The following CACNA2D1 variants were observed in gnomAD, a reference collection of about 807,000 sequenced individuals.
CACNA2D1 encodes the protein calcium voltage-gated channel auxiliary subunit alpha2delta 1.
Under a neutral mutation model 171.5 loss-of-function variants are expected in CACNA2D1, and 53 were observed. The observed-to-expected ratio is 0.31, with a 90% CI of 0.25 to 0.39. The LOEUF (loss-of-function observed/expected upper bound fraction) is 0.39, where lower values mean the gene tolerates loss of function less well. Ranked by LOEUF, CACNA2D1 falls within the 10% of genes least tolerant of loss-of-function variation. The pLI, the probability that CACNA2D1 is intolerant of heterozygous loss-of-function variation, is 1.00. For missense variants in CACNA2D1, 903 were observed against 1,299.8 expected (o/e 0.69, Z 4.69); for synonymous variants, 442 against 443.1 (o/e 1.00, Z 0.03).
In CACNA2D1 at chr7:82,164,505, A is replaced by G. The variant is rs1467647387; in HGVS notation, c.354+6045T>C. ...AGAAATTTCTAGGCAGAGATTATCA[A>G]AAGGTCTGAAAGTGAAGAAAAGAAT... is the stretch of plus-strand genomic sequence containing the variant. On this transcript the variant is annotated intron_variant, in intron 4 of 38. Transcript: ENST00000356860. Among the ~76,000 whole-genome samples, 7 of 152,170 alleles carry G rather than the reference A, an allele frequency of 4.6e-5. No individual in the cohort carries two copies. The South Asian group carries it at 1.2e-3, about 27-fold the overall frequency.
At chr7:82,338,325 T>G (rs1585557963) in intron 2 of CACNA2D1, among the ~76,000 whole-genome samples, 1 of 152,144 alleles carries the variant, frequency 6.6e-6, no homozygotes, top group South Asian at 2.1e-4. Flanking sequence ...ATTTTTTAAA[T>G]TTTTTATTTA....
intron 1 of CACNA2D1, among the ~76,000 whole-genome samples, chr7:82,407,226 T>C (rs1028336333): frequency 3.3e-5 from 5 of 152,214 alleles, no homozygotes; most frequent in Non-Finnish European, 4.4e-5. Context: ...CTCACTTTGC[T>C]AGACTATGAA....
At chr7:82,237,699 T>C (rs1444814919) in intron 3 of CACNA2D1, among the ~76,000 whole-genome samples, 1 of 152,014 alleles carries the variant, frequency 6.6e-6, no homozygotes, top group African/African-American at 2.4e-5. Context: ...AATTTCAATA[T>C]GCTATAACCT....
At chr7:81,972,423 A>G (rs945706592) in intron 25 of CACNA2D1, among the ~76,000 whole-genome samples, 1 of 151,824 alleles carries the variant, frequency 6.6e-6, no homozygotes, top group African/African-American at 2.4e-5. Flanking sequence ...AGTAAATAAG[A>G]CTATGAAAAA....
At chr7:82,094,814 G>A (rs1171931429) in intron 6 of CACNA2D1, among the ~76,000 whole-genome samples, 1 of 144,388 alleles carries the variant, frequency 6.9e-6, no homozygotes, top group Non-Finnish European at 1.5e-5. Flanking sequence ...AAACAACCAA[G>A]TCATGTCGGT....
In CACNA2D1 at chr7:82,084,253, T is replaced by G. The variant is rs184487447; in HGVS notation, c.658+516A>C. ...CATTGAGTATGTATGATCACTGAGA[T>G]GCACTCAGAAGTGATATAACCTGAC... On this transcript the variant is annotated intron_variant, in intron 7 of 38. Transcript: ENST00000356860. 2.6e-3 allele frequency among the ~76,000 whole-genome samples: 398 copies of G among 152,268 alleles called. 2 individuals carry two copies. The highest frequency in any genetic ancestry group is 8.8e-3 in the African/African-American group (364 of 41,582).
chr7:82,311,907 A>G (rs1471839961), intron 3 of CACNA2D1, among the ~76,000 whole-genome samples: 1 of 152,170 alleles, frequency 6.6e-6, no homozygotes, highest in Non-Finnish European at 1.5e-5. Context: ...CCTTGTTGTG[A>G]TAAGTAAATT....
In CACNA2D1 at chr7:82,066,314, C is replaced by G. The variant is rs372491731; in HGVS notation, c.728+141G>C. On this transcript the variant is annotated intron_variant, in intron 8 of 38. Transcript: ENST00000356860. ...ACTCATCATTTTCATTTACCTTTAC[C>G]TATATTTACTTATTTTTAAAAATCA... 645 of 1,126,198 alleles carry G rather than the reference C, an allele frequency of 5.7e-4. 6 individuals carry two copies. In the African/African-American group the frequency reaches 9.3e-3, roughly 16 times the overall value. The allele number at this position is 1,126,198 out of a possible 1,614,324, so 69.8% of individuals were successfully genotyped here. A position where few individuals can be genotyped will look rare whatever the true frequency, so the allele number is the denominator to read the frequency against.
intron 3 of CACNA2D1, among the ~76,000 whole-genome samples, chr7:82,257,446 AC>A (rs1349356742): frequency 6.6e-6 from 1 of 152,248 alleles, no homozygotes; most frequent in Non-Finnish European, 1.5e-5. Flanking sequence ...TCCATTTACA[AC>A]TGGCAATTCA....
chr7:82,243,670 AG>A (rs2129299687), intron 3 of CACNA2D1, among the ~76,000 whole-genome samples: 1 of 152,308 alleles, frequency 6.6e-6, no homozygotes, highest in Non-Finnish European at 1.5e-5. Context: ...AGAGGTGAAC[AG>A]GCTGAAGTAC....
chr7:82,072,535 C>T (rs927111799), intron 7 of CACNA2D1, among the ~76,000 whole-genome samples: 1 of 151,218 alleles, frequency 6.6e-6, no homozygotes, highest in Non-Finnish European at 1.5e-5. Context: ...CAATCATTCC[C>T]AGATGAAATT....
At chr7:81,956,800 TA>T (rs1793424225) in intron 38 of CACNA2D1, among the ~76,000 whole-genome samples, 1 of 152,050 alleles carries the variant, frequency 6.6e-6, no homozygotes, top group South Asian at 2.1e-4. Flanking sequence ...GCTCTAGTAA[TA>T]CATCATGATG....
chr7:82,430,822 G>A (rs1320005715), intron 1 of CACNA2D1, among the ~76,000 whole-genome samples: 2 of 152,068 alleles, frequency 1.3e-5, no homozygotes, highest in Non-Finnish European at 2.9e-5. Context: ...AGGGTAGTCT[G>A]GAATCATTTC....
chr7:82,130,084 G>A (rs1202257894), intron 5 of CACNA2D1, among the ~76,000 whole-genome samples: 2 of 152,174 alleles, frequency 1.3e-5, no homozygotes, highest in African/African-American at 4.8e-5. Flanking sequence ...CTATACTTCA[G>A]AACATTCCTT....
intron 7 of CACNA2D1, among the ~76,000 whole-genome samples, chr7:82,070,002 T>A (rs913437075): frequency 6.6e-6 from 1 of 152,160 alleles, no homozygotes; most frequent in Non-Finnish European, 1.5e-5. Flanking sequence ...TATAGAGTAT[T>A]AGTCATGGCT....
At chr7:81,979,914 G>A (rs1236456451) in intron 24 of CACNA2D1, among the ~76,000 whole-genome samples, 2 of 152,028 alleles carry the variant, frequency 1.3e-5, no homozygotes, top group East Asian at 3.9e-4. Context: ...GGTATTGAAT[G>A]TTAAGTCAAA....
chr7:82,278,557 T>TAAA (rs59630150), intron 3 of CACNA2D1, among the ~76,000 whole-genome samples: 16,116 of 107,282 alleles, frequency 0.15, 1,375 homozygotes, highest in Non-Finnish European at 0.21. Flanking sequence ...GACTCTGTCT[T>TAAA]AAAAAAAAAA....
chr7:82,317,372 G>A (rs1423274210), intron 3 of CACNA2D1, among the ~76,000 whole-genome samples: 2 of 152,174 alleles, frequency 1.3e-5, no homozygotes, highest in Non-Finnish European at 2.9e-5. Flanking sequence ...CCGTGTGTGT[G>A]TACGGCTGAG....
In CACNA2D1 at chr7:81,962,439, C is replaced by T. The variant is rs777781746; in HGVS notation, c.2836+1G>A. 2.5e-6 allele frequency: 4 copies of T among 1,603,372 alleles called. No homozygotes were observed. The highest frequency in any genetic ancestry group is 1.7e-5 in the Admixed American group (1 of 59,312). On this transcript the variant is annotated splice_donor_variant, in intron 35 of 38. Transcript: ENST00000356860. LOFTEE classifies it high-confidence loss of function. ...ATGACAAGGTCTGAGCATTTACATA[C>T]CTGCCTCAAGGAGTCGTGGAAAGGT...
Sources: allele counts gnomAD v4.1 joint callset (sites outside exome capture counted in the v4.1 genomes callset), GRCh38; gene constraint gnomAD v4.1.1; transcripts MANE v1.5; gene names NCBI Gene and HGNC (gene_info 2026-07-23, HGNC 2026-07-21).